Variants in FAM227B observed in about 807,000 individuals in gnomAD.
FAM227B encodes family with sequence similarity 227 member B.
A neutral mutation model predicts 73.8 loss-of-function variants in FAM227B; 88 were observed. The ratio of observed to expected loss-of-function variants is 1.19; its 90% confidence interval spans 1.00 to 1.42. The LOEUF (loss-of-function observed/expected upper bound fraction) is 1.42, where lower values mean the gene tolerates loss of function less well. Among genes scored for constraint, FAM227B ranks in the 40% most tolerant of loss-of-function variants. The pLI is 0.00. For missense variants in FAM227B, 632 were observed against 590.9 expected (o/e 1.07, Z -0.72); for synonymous variants, 210 against 190.5 (o/e 1.10, Z -0.84).
intron 13 of FAM227B, among the ~76,000 whole-genome samples, chr15:49,337,346 A>G (rs766485435): frequency 4.1e-4 from 63 of 152,202 alleles, no homozygotes; most frequent in Non-Finnish European, 7.6e-4. Flanking sequence ...CAGCCCCATC[A>G]GCATCTATTG....
intron 13 of FAM227B, among the ~76,000 whole-genome samples, chr15:49,348,527 G>A (rs1450760584): frequency 6.6e-6 from 1 of 152,122 alleles, no homozygotes; most frequent in Non-Finnish European, 1.5e-5. Context: ...CTAGAATATA[G>A]GTTTCTACTT....
At chr15:49,394,012 A>T (rs1257840316) in intron 11 of FAM227B, among the ~76,000 whole-genome samples, 1 of 152,184 alleles carries the variant, frequency 6.6e-6, no homozygotes, top group Non-Finnish European at 1.5e-5. Context: ...GAATCTTTTT[A>T]AAATGCATCC....
chr15:49,342,360 T>A (rs945677956), intron 13 of FAM227B, among the ~76,000 whole-genome samples: 1 of 152,216 alleles, frequency 6.6e-6, no homozygotes, highest in Admixed American at 6.5e-5. Flanking sequence ...CTGCTCTTTT[T>A]TGTTTTCCAT....
At chr15:49,545,889 G>A (rs2071770588) in intron 9 of FAM227B, among the ~76,000 whole-genome samples, 1 of 151,028 alleles carries the variant, frequency 6.6e-6, no homozygotes, top group Non-Finnish European at 1.5e-5. Context: ...TAAATTTATT[G>A]AGACTTGTTT....
chr15:49,390,729 G>A (rs1400701424), intron 11 of FAM227B, among the ~76,000 whole-genome samples: 1 of 151,872 alleles, frequency 6.6e-6, no homozygotes. Context: ...GTACAGCTAT[G>A]TAAAATAAAC....
intron 11 of FAM227B, among the ~76,000 whole-genome samples, chr15:49,405,758 A>G (rs2048467988): frequency 6.6e-6 from 1 of 152,156 alleles, no homozygotes; most frequent in African/African-American, 2.4e-5. Flanking sequence ...CATTTCAGCC[A>G]TCTCAGCCTG....
Position 49,525,458 on chromosome 15 carries a change from T to C in FAM227B, c.874+16222A>G, listed in dbSNP as rs539023224. Among the ~76,000 whole-genome samples the C allele has an allele frequency of 3.9e-5, 6 of 151,962 alleles. No individual in the cohort carries two copies. In the East Asian group the frequency reaches 1.2e-3, roughly 29 times the overall value. On this transcript the variant is annotated intron_variant, in intron 10 of 15. Coordinates refer to ENST00000299338, the MANE Select transcript of FAM227B (RefSeq NM_152647.3). Reference sequence around the variant, plus strand: ...CCTTTTTCCTGTATGAATTACCCAATCTTGGATATGTCTTTATTGGCAGCA... The same window carrying C: ...CCTTTTTCCTGTATGAATTACCCAACCTTGGATATGTCTTTATTGGCAGCA...
chr15:49,541,910 T>C, intron 9 of FAM227B, 104 bp from the exon 10 acceptor site: 1 of 928,332 alleles, frequency 1.1e-6, no homozygotes, highest in African/African-American at 1.7e-5. Context: ...TGCAATTTAT[T>C]AACCGAATAA....
intron 11 of FAM227B, among the ~76,000 whole-genome samples, chr15:49,445,304 T>C (rs1256679116): frequency 1.3e-5 from 2 of 151,654 alleles, no homozygotes; most frequent in African/African-American, 4.8e-5. Flanking sequence ...CCAGTTTGTA[T>C]TGTTGCCATT....
At chr15:49,503,197 G>A (rs1244765486) in intron 11 of FAM227B, among the ~76,000 whole-genome samples, 1 of 152,108 alleles carries the variant, frequency 6.6e-6, no homozygotes, top group Non-Finnish European at 1.5e-5. Flanking sequence ...TTTAATAAAT[G>A]GTGCTGGGAA....
intron 9 of FAM227B, among the ~76,000 whole-genome samples, chr15:49,547,228 C>CCG (rs2072045469): frequency 1.3e-5 from 2 of 151,988 alleles, no homozygotes; most frequent in South Asian, 4.2e-4. Flanking sequence ...CAAGCAAATG[C>CCG]TGAGAGATTT....
intron 11 of FAM227B, among the ~76,000 whole-genome samples, chr15:49,497,689 T>C (rs2057748347): frequency 7.5e-6 from 1 of 133,702 alleles, no homozygotes; most frequent in African/African-American, 3.1e-5. Context: ...AAGCAGAAGA[T>C]TATAGAAAAA....
At position 49,575,104 on chromosome 15, in the gene FAM227B, T is replaced by C. The variant is rs1214596400; in HGVS notation, c.552A>G (p.Arg184=). ...AATGAGTCTTCCAGATTTTAAAAAC[T>C]CTTTCCTATGGAAAAAAACAAGAGA... The part of the protein sequence containing the change: ...FILKAHNFDE[R]VFKIWKTHFL... The change falls in exon 8 of 16, where the codon AGA becomes AGG. Residue 184 remains arginine (R), a synonymous_variant. Transcript: ENST00000299338. 1 of 1,575,436 alleles carries C rather than the reference T, an allele frequency of 6.3e-7. No homozygotes were observed. The highest frequency in any genetic ancestry group is 8.6e-7 in the Non-Finnish European group (1 of 1,156,240).
chr15:49,541,586 C>T (rs899465985), intron 10 of FAM227B, 94 bp downstream of exon 10: 2 of 1,130,038 alleles, frequency 1.8e-6, no homozygotes, highest in African/African-American at 3.2e-5. Flanking sequence ...AGAAAAAGAA[C>T]TACCAATATT....
rs776375634 is a variant in FAM227B, at chr15:49,589,793, C to A, written c.320G>T (p.Ser107Ile). ...AGGCTCACTTGTCTCAGAAATCATGCTTTTCCACTTAAATATTTCAGAGGT... is the reference window on the plus strand; with the variant it reads ...AGGCTCACTTGTCTCAGAAATCATGATTTTCCACTTAAATATTTCAGAGGT... The part of the protein sequence containing the change: ...NHTSEIFKWK[S>I]MISETSSYRK... The change falls in exon 4 of 16, where the codon AGC (serine) becomes ATC (isoleucine). Residue 107 changes from serine (S) to isoleucine (I), a missense_variant. Coordinates refer to ENST00000299338, the MANE Select transcript of FAM227B (RefSeq NM_152647.3). 5.7e-6 allele frequency: 9 copies of A among 1,577,856 alleles called. No individual in the cohort carries two copies. In the South Asian group the frequency reaches 7.8e-5, roughly 14 times the overall value.
chr15:49,463,550 C>CAAA (rs34545202), intron 11 of FAM227B, among the ~76,000 whole-genome samples: 30,556 of 124,678 alleles, frequency 0.25, 3,735 homozygotes, highest in Middle Eastern at 0.37. Context: ...GATTCCGTCT[C>CAAA]AAAAAAAAAA....
chr15:49,522,113 T>C (rs1014043033), intron 10 of FAM227B, among the ~76,000 whole-genome samples: 2 of 152,086 alleles, frequency 1.3e-5, no homozygotes, highest in Non-Finnish European at 2.9e-5. Flanking sequence ...AGTCAGTTCA[T>C]ACACCCAATA....
At chr15:49,598,570 T>C (rs757114799) in intron 3 of FAM227B, among the ~76,000 whole-genome samples, 1 of 152,034 alleles carries the variant, frequency 6.6e-6, no homozygotes, top group Non-Finnish European at 1.5e-5. Context: ...TTGATTATGA[T>C]GTTAGATGTG....
chr15:49,535,160 G>A (rs577671316), intron 10 of FAM227B, among the ~76,000 whole-genome samples: 2 of 151,196 alleles, frequency 1.3e-5, no homozygotes, highest in South Asian at 2.1e-4. Flanking sequence ...CATTTTTTGA[G>A]GAAATAAAAT....
Sources: gnomAD v4.1 joint callset for allele counts (sites outside exome capture counted in the v4.1 genomes callset) on GRCh38, gnomAD v4.1.1 for gene constraint, MANE v1.5 for transcripts, NCBI Gene and HGNC (gene_info 2026-07-23, HGNC 2026-07-21) for gene names.